The following DAB1 variants were observed in gnomAD, a reference collection of about 807,000 sequenced individuals.
DAB1 encodes the protein disabled homolog 1.
Under a neutral mutation model 64.6 loss-of-function variants are expected in DAB1, and 15 were observed. The observed-to-expected ratio is 0.23, with a 90% CI of 0.16 to 0.36. The LOEUF (loss-of-function observed/expected upper bound fraction) is 0.36. Among genes scored for constraint, DAB1 ranks in the 10% least tolerant of loss-of-function variants. The pLI, the probability that DAB1 is intolerant of heterozygous loss-of-function variation, is 1.00. For synonymous variants in DAB1, 235 were observed against 251.9 expected (o/e 0.93, Z 0.64); for missense variants, 596 against 706.7 (o/e 0.84, Z 1.78).
At chr1:57,213,880 T>G (rs537631843) in intron 2 of DAB1, among the ~76,000 whole-genome samples, 26 of 152,336 alleles carry the variant, frequency 1.7e-4, no homozygotes, top group Non-Finnish European at 1.3e-4. Context: ...TAAAATTCCA[T>G]GATTCATTAA....
At chr1:58,258,099 C>T (rs1273685336) in intron 4 of DAB1, among the ~76,000 whole-genome samples, 3 of 152,182 alleles carry the variant, frequency 2.0e-5, no homozygotes, top group Admixed American at 6.5e-5. Context: ...TTTGGGGTTC[C>T]CCAGGATAGG....
chr1:58,437,047 G>A (rs11578946), intron 3 of DAB1, among the ~76,000 whole-genome samples: 1,778 of 152,304 alleles, frequency 0.012, 22 homozygotes, highest in Non-Finnish European at 0.018. Flanking sequence ...CACCCTCTGT[G>A]TAGATTTCAG....
chr1:58,283,265 A>C (rs1413572185), intron 4 of DAB1, among the ~76,000 whole-genome samples: 2 of 152,126 alleles, frequency 1.3e-5, no homozygotes, highest in African/African-American at 4.8e-5. Context: ...TTTGTATTTC[A>C]TAAGTATCTT....
intron 5 of DAB1, among the ~76,000 whole-genome samples, chr1:58,064,705 TTATGTATTTATG>T (rs68190705): frequency 0.058 from 6,595 of 113,592 alleles, 213 homozygotes; most frequent in African/African-American, 0.11. Flanking sequence ...ATGTATTTAT[TTATGTATTTATG>T]TATTTATTTA....
intron 4 of DAB1, among the ~76,000 whole-genome samples, chr1:57,133,921 G>A (rs1657848957): frequency 6.6e-6 from 1 of 152,146 alleles, no homozygotes; most frequent in African/African-American, 2.4e-5. Flanking sequence ...CTAAGGTTTA[G>A]TAAACTGTTC....
At chr1:57,199,693 G>A (rs971705894) in intron 2 of DAB1, among the ~76,000 whole-genome samples, 1 of 152,214 alleles carries the variant, frequency 6.6e-6, no homozygotes, top group Non-Finnish European at 1.5e-5. Context: ...AAGTCAAGAT[G>A]ATGGGCGTTG....
intron 5 of DAB1, among the ~76,000 whole-genome samples, chr1:58,127,418 A>T (rs1231034821): frequency 6.6e-6 from 1 of 150,438 alleles, no homozygotes; most frequent in Non-Finnish European, 1.5e-5. Context: ...TTGCCTGTTC[A>T]CTCTGATGGT....
At chr1:58,041,296 C>T (rs1424860551) in intron 5 of DAB1, among the ~76,000 whole-genome samples, 1 of 152,180 alleles carries the variant, frequency 6.6e-6, no homozygotes, top group Non-Finnish European at 1.5e-5. Flanking sequence ...CTCATCTCTC[C>T]TAGGCTGAGA....
chr1:57,507,080 C>T (rs951771103), intron 7 of DAB1, among the ~76,000 whole-genome samples: 1 of 152,124 alleles, frequency 6.6e-6, no homozygotes. Context: ...TCATGTAGCC[C>T]CACTGCTAAA....
chr1:57,020,325 T>C (rs940390320), intron 11 of DAB1, among the ~76,000 whole-genome samples: 10 of 152,240 alleles, frequency 6.6e-5, no homozygotes, highest in Admixed American at 2.6e-4. Flanking sequence ...TGCTTACTGA[T>C]GGAAGCACTG....
At chr1:57,498,015 T>G (rs1202348873) in intron 7 of DAB1, among the ~76,000 whole-genome samples, 1 of 152,136 alleles carries the variant, frequency 6.6e-6, no homozygotes, top group Admixed American at 6.5e-5. Context: ...AGGGTGGAGA[T>G]AGAGCAAGTG....
intron 3 of DAB1, among the ~76,000 whole-genome samples, chr1:58,491,574 A>G (rs1373919319): frequency 6.6e-6 from 1 of 152,174 alleles, no homozygotes; most frequent in African/African-American, 2.4e-5. Flanking sequence ...AGGAAGATCT[A>G]CCAAGCAAAT....
At chr1:58,399,758 C>T (rs1236782605) in intron 3 of DAB1, among the ~76,000 whole-genome samples, 2 of 152,180 alleles carry the variant, frequency 1.3e-5, no homozygotes, top group South Asian at 2.1e-4. Context: ...TACAACAACC[C>T]CTTTATTATC....
chr1:57,148,803 A>G lies in DAB1; in HGVS notation c.68-3374T>C, dbSNP rs187393566. Reference sequence around the variant, plus strand: ...TTTTCAGAAGACAACACAAACACCCAAAGTCCACAGCATAACCTGAATGTT... The same window carrying G: ...TTTTCAGAAGACAACACAAACACCCGAAGTCCACAGCATAACCTGAATGTT... On this transcript the variant is annotated intron_variant, in intron 2 of 14. Transcript: ENST00000371236. 1.4e-3 allele frequency among the ~76,000 whole-genome samples: 213 copies of G among 152,326 alleles called. 1 individual carries two copies. Among genetic ancestry groups the G allele is most frequent in the Non-Finnish European group, 2.3e-3 (154 of 68,032 alleles).
chr1:57,658,208 G>C (rs1188454695), intron 6 of DAB1, among the ~76,000 whole-genome samples: 1 of 151,970 alleles, frequency 6.6e-6, no homozygotes, highest in African/African-American at 2.4e-5. Context: ...GTGTTTTCCA[G>C]AACTTCTTCT....
At chr1:57,539,400 T>G (rs1292509760) in intron 7 of DAB1, among the ~76,000 whole-genome samples, 1 of 152,224 alleles carries the variant, frequency 6.6e-6, no homozygotes, top group Non-Finnish European at 1.5e-5. Flanking sequence ...AGCACTTATT[T>G]TATAAAGACT....
chr1:58,476,240 T>C (rs1645417651), intron 3 of DAB1, among the ~76,000 whole-genome samples: 1 of 152,186 alleles, frequency 6.6e-6, no homozygotes, highest in South Asian at 2.1e-4. Flanking sequence ...TTTTTTTCTT[T>C]TGGCTGGAAC....
intron 3 of DAB1, among the ~76,000 whole-genome samples, chr1:58,465,727 T>C (rs543560336): frequency 2.0e-5 from 3 of 152,198 alleles, no homozygotes; most frequent in African/African-American, 7.2e-5. Context: ...ATAGATACCA[T>C]TTATTGGGCA....
intron 5 of DAB1, among the ~76,000 whole-genome samples, chr1:57,988,283 C>T (rs749482613): frequency 1.3e-4 from 20 of 152,306 alleles, no homozygotes; most frequent in Admixed American, 3.9e-4. Context: ...AGACACAGGG[C>T]ATGTACAATC....
Sources: gnomAD v4.1 joint callset for allele counts (sites outside exome capture counted in the v4.1 genomes callset) on GRCh38, gnomAD v4.1.1 for gene constraint, MANE v1.5 for transcripts, NCBI Gene and HGNC (gene_info 2026-07-23, HGNC 2026-07-21) for gene names.